Variants in FBXO33 observed in about 807,000 individuals in gnomAD.
FBXO33 encodes F-box protein 33, also known as F-box only protein 33.
In FBXO33, 22 loss-of-function variants were observed where a neutral mutation model predicts 46.3. The ratio of observed to expected loss-of-function variants is 0.48; its 90% CI spans 0.34 to 0.68. FBXO33 has a LOEUF of 0.68. FBXO33 is among the 30% of genes least tolerant of loss of function. The pLI is 0.01. For synonymous variants in FBXO33, 337 were observed against 291.3 expected, an observed-to-expected ratio of 1.16 and a Z score of -1.60; for missense variants, 692 against 708.8, an observed-to-expected ratio of 0.98 and a Z score of 0.27.
chr14:39,399,633 T>C lies in FBXO33; in HGVS notation c.1551A>G (p.Val517=), dbSNP rs1240101094. Residue 517 remains valine, a synonymous_variant, in exon 4 of 4, where the codon GTA becomes GTG. Coordinates refer to ENST00000298097, the MANE Select transcript of FBXO33 (RefSeq NM_203301.4). ...GCCAAGGTTGACCCAGGCCCAGGGA[T>C]ACCTGCTCAATAAGGTTATGCACTG... is the stretch of plus-strand genomic sequence containing the variant. ...VDPVHNLIEQ[V]SLGLGQPWHA... is the part of the protein sequence containing the mutation. 9.3e-6 allele frequency: 15 copies of C among 1,614,022 alleles called. No homozygotes were observed. Among genetic ancestry groups the C allele is most frequent in the Non-Finnish European group, 1.3e-5 (15 of 1,179,972 alleles).
intron 1 of FBXO33, among the ~76,000 whole-genome samples, chr14:39,426,566 C>A (rs150888611): frequency 3.4e-4 from 52 of 152,300 alleles, no homozygotes; most frequent in Non-Finnish European, 6.5e-4. Context: ...ATAAGCCTAC[C>A]TAACCCCAAT....
chr14:39,401,064 C>T (rs2139400324), intron 3 of FBXO33, 112 bp downstream of exon 3: 1 of 984,874 alleles, frequency 1.0e-6, no homozygotes, highest in Non-Finnish European at 1.5e-6. Context: ...ATCTGTATAT[C>T]AACTTGATAC....
Position 39,423,122 on chromosome 14 carries a change from A to G in FBXO33, c.599+8442T>C, listed in dbSNP as rs560687203. ...GGGTGACAGAGTGAGACTCCATCTC[A>G]AAAAAAACAAAAAGCTTAATATAAT... On this transcript the variant is annotated intron_variant, in intron 1 of 3. Coordinates refer to ENST00000298097, the MANE Select transcript of FBXO33 (RefSeq NM_203301.4). Among the ~76,000 whole-genome samples the G allele has an allele frequency of 8.9e-4, 135 of 152,026 alleles. 1 individual carries two copies. The highest frequency in any genetic ancestry group is 3.2e-3 in the African/African-American group (132 of 41,426).
rs1256913432 is a variant in FBXO33 at position 39,401,449 on chromosome 14, T to C, written c.1123A>G (p.Met375Val). 1 of 1,614,136 alleles carries C rather than the reference T, an allele frequency of 6.2e-7. No individual in the cohort carries two copies. The highest frequency in any genetic ancestry group is 8.5e-7 in the Non-Finnish European group (1 of 1,180,024). Reference sequence around the variant, plus strand: ...TCTTCACTCTTGATATCAAAAGCCATTATATAGACCCGAAAGCTGGTGCTC... The same window carrying C: ...TCTTCACTCTTGATATCAAAAGCCACTATATAGACCCGAAAGCTGGTGCTC... ...RKSTSFRVYI[M>V]AFDIKSEDML... Residue 375 changes from methionine (M) to valine (V), a missense_variant, in exon 3 of 4, where the codon ATG becomes GTG. Physicochemically the swap from Met to Val is conservative, Grantham distance 21. This residue lies in a region of FBXO33 where 186 missense variants were observed against 246.1 expected (regional missense o/e 0.76). Transcript: ENST00000298097.
chr14:39,417,518 T>G (rs2075454269), intron 1 of FBXO33, among the ~76,000 whole-genome samples: 1 of 151,200 alleles, frequency 6.6e-6, no homozygotes, highest in Non-Finnish European at 1.5e-5. Context: ...ATAAAGGTAT[T>G]TTAGTACAAG....
chr14:39,402,677 A>ATTTTT (rs58903755), intron 1 of FBXO33, among the ~76,000 whole-genome samples, 166 bp from the exon 2 acceptor site: 2 of 83,110 alleles, frequency 2.4e-5, no homozygotes, highest in African/African-American at 8.1e-5. Flanking sequence ...ATATATTCAG[A>ATTTTT]TTTTTTTTTT....
chr14:39,417,152 GCCT>G (rs541493871), intron 1 of FBXO33, among the ~76,000 whole-genome samples: 52 of 152,330 alleles, frequency 3.4e-4, no homozygotes, highest in Admixed American at 2.4e-3. Flanking sequence ...AAGGTTCCAA[GCCT>G]TTTCCCAATC....
chr14:39,420,560 A>G (rs577855722), intron 1 of FBXO33, among the ~76,000 whole-genome samples: 14 of 152,106 alleles, frequency 9.2e-5, no homozygotes, highest in South Asian at 4.2e-4. Context: ...GGTGGTGGGC[A>G]CCTGTATGTA....
Position 39,414,588 on chromosome 14 carries a change from G to A in FBXO33, c.600-12077C>T, listed in dbSNP as rs918170918. Among the ~76,000 whole-genome samples, 7 of 152,190 alleles carry A rather than the reference G, an allele frequency of 4.6e-5. No homozygotes were observed. The East Asian group carries it at 5.8e-4, about 13-fold the overall frequency. On this transcript the variant is annotated intron_variant, in intron 1 of 3. Transcript: ENST00000298097. Reference sequence around the variant, plus strand: ...TTAATCATTTCTAGCTTTTGACTTGGAGTGAGAGACGTGGGACTCTTCCTT... The same window carrying A: ...TTAATCATTTCTAGCTTTTGACTTGAAGTGAGAGACGTGGGACTCTTCCTT...
chr14:39,415,854 A>T (rs1277668827), intron 1 of FBXO33, among the ~76,000 whole-genome samples: 1 of 152,120 alleles, frequency 6.6e-6, no homozygotes, highest in East Asian at 1.9e-4. Context: ...TTTAGTAGAG[A>T]CAAGGTTTCA....
chr14:39,425,827 A>G (rs1355326256), intron 1 of FBXO33, among the ~76,000 whole-genome samples: 2 of 152,218 alleles, frequency 1.3e-5, no homozygotes, highest in African/African-American at 4.8e-5. Flanking sequence ...AGTGGAACTA[A>G]TGGGGTCTTT....
chr14:39,401,301 T>C lies in FBXO33; in HGVS notation c.1271A>G (p.His424Arg), dbSNP rs755651912. The C allele has an allele frequency of 5.0e-6, 8 of 1,614,068 alleles. No homozygotes were observed. Among genetic ancestry groups the C allele is most frequent in the South Asian group, 1.1e-5 (1 of 91,072 alleles). ...AATCACATCATTCATTAAAATAAAATGAGTGAGGAACTTGTCATATTGCCT... is the reference window on the plus strand; with the variant it reads ...AATCACATCATTCATTAAAATAAAACGAGTGAGGAACTTGTCATATTGCCT... ...ISRQYDKFLT[H>R]FILMNDVIDT... The change falls in exon 3 of 4, where the codon CAT becomes CGT. Residue 424 changes from histidine to arginine, a missense_variant. Coordinates refer to ENST00000298097, the MANE Select transcript of FBXO33 (RefSeq NM_203301.4).
chr14:39,412,788 T>C (rs1358340594), intron 1 of FBXO33, among the ~76,000 whole-genome samples: 1 of 152,250 alleles, frequency 6.6e-6, no homozygotes, highest in East Asian at 1.9e-4. Flanking sequence ...CAAGTTAACA[T>C]AAAAGTAATG....
chr14:39,401,684 A>G lies in FBXO33; in HGVS notation c.888T>C (p.Leu296=). ...LDNNIPGNST[L]ITAVELERFV... ...ATCGCTCCAGTTCAACTGCAGTAAT[A>G]AGAGTGCTGTTACCAGGAATATTAT... Residue 296 remains leucine (L), a synonymous_variant, in exon 3 of 4, where the codon CTT becomes CTC. Transcript: ENST00000298097. The G allele has an allele frequency of 6.2e-7, 1 of 1,614,202 alleles. No homozygotes were observed.
At chr14:39,408,934 C>T (rs2075410592) in intron 1 of FBXO33, among the ~76,000 whole-genome samples, 1 of 151,912 alleles carries the variant, frequency 6.6e-6, no homozygotes, top group African/African-American at 2.4e-5. Context: ...TGCTACCACA[C>T]CCAGCTACTT....
chr14:39,428,493 C>G (rs149273650), intron 1 of FBXO33, among the ~76,000 whole-genome samples: 1 of 152,088 alleles, frequency 6.6e-6, no homozygotes, highest in Non-Finnish European at 1.5e-5. Flanking sequence ...TGAGCCACCA[C>G]CCCTGGCCAA....
At chr14:39,425,288 CTT>C (rs2075506999) in intron 1 of FBXO33, among the ~76,000 whole-genome samples, 1 of 152,204 alleles carries the variant, frequency 6.6e-6, no homozygotes, top group South Asian at 2.1e-4. Context: ...TGGTAGTAAA[CTT>C]TGTTAAGTTT....
At chr14:39,426,398 C>T (rs886745693) in intron 1 of FBXO33, among the ~76,000 whole-genome samples, 4 of 152,122 alleles carry the variant, frequency 2.6e-5, no homozygotes, top group Admixed American at 6.6e-5. Flanking sequence ...GTAAAAGCTT[C>T]CCAACTTGTC....
intron 1 of FBXO33, among the ~76,000 whole-genome samples, chr14:39,423,769 A>C (rs2075497113): frequency 6.6e-6 from 1 of 152,212 alleles, no homozygotes; most frequent in South Asian, 2.1e-4. Flanking sequence ...TAGGGGTCAC[A>C]AAGGGAACTT....
Sources: gnomAD v4.1 joint callset for allele counts (sites outside exome capture counted in the v4.1 genomes callset) on GRCh38, gnomAD v4.1.1 for gene constraint, gnomAD v4.1.1 regional missense constraint, MANE v1.5 for transcripts, NCBI Gene and HGNC (gene_info 2026-07-23, HGNC 2026-07-21) for gene names.